Variants in TUSC3 observed in about 807,000 individuals in gnomAD.
TUSC3 encodes dolichyl-diphosphooligosaccharide--protein glycosyltransferase subunit TUSC3.
Under a neutral mutation model 44.8 loss-of-function variants are expected in TUSC3, and 45 were observed. The ratio of observed to expected loss-of-function variants is 1.00; its 90% CI spans 0.79 to 1.29. The LOEUF (loss-of-function observed/expected upper bound fraction) is 1.29, where lower values mean the gene tolerates loss of function less well. TUSC3 is among the 50% of genes most tolerant of loss of function. The pLI is 0.00. For synonymous variants in TUSC3, 212 were observed against 152.9 expected (o/e 1.39, Z -2.85); for missense variants, 519 against 437.9 (o/e 1.19, Z -1.65).
intron 1 of TUSC3, among the ~76,000 whole-genome samples, chr8:15,611,825 C>G (rs906923192): frequency 4.6e-5 from 7 of 152,044 alleles, no homozygotes; most frequent in African/African-American, 1.7e-4. Flanking sequence ...ATTTTTAAAT[C>G]TGTTAAGTAT....
intron 2 of TUSC3, among the ~76,000 whole-genome samples, chr8:15,627,856 G>A (rs1279972229): frequency 1.3e-5 from 2 of 152,222 alleles, no homozygotes; most frequent in East Asian, 3.9e-4. Flanking sequence ...CCGTTGGCAG[G>A]CATGGGATCC....
intron 1 of TUSC3, among the ~76,000 whole-genome samples, chr8:15,445,023 C>A (rs1257185764): frequency 1.3e-5 from 2 of 151,998 alleles, no homozygotes; most frequent in African/African-American, 4.8e-5. Context: ...TACCAGAGAA[C>A]TAGGCAATGG....
the TUSC3 span, among the ~76,000 whole-genome samples, chr8:15,789,615 A>G: frequency 2.0e-5 from 3 of 151,970 alleles, no homozygotes; most frequent in Non-Finnish European, 2.9e-5. Flanking sequence ...GACTGTGTCA[A>G]TTATATATTT....
chr8:15,499,022 T>C (rs1279711098), intron 2 of TUSC3, among the ~76,000 whole-genome samples: 40 of 152,058 alleles, frequency 2.6e-4, no homozygotes, highest in Admixed American at 2.6e-3. Context: ...TCTTTTTTTT[T>C]CTCCTGTGGG....
intron 1 of TUSC3, among the ~76,000 whole-genome samples, chr8:15,429,496 A>G (rs1799845870): frequency 6.6e-6 from 1 of 151,260 alleles, no homozygotes; most frequent in Admixed American, 6.6e-5. Flanking sequence ...GTTTTTTCCA[A>G]TTCTGTGAAG....
intron 10 of TUSC3, among the ~76,000 whole-genome samples, chr8:15,763,297 G>A (rs1051447171): frequency 6.6e-6 from 1 of 151,634 alleles, no homozygotes; most frequent in Admixed American, 6.6e-5. Context: ...GGTTCAGAAA[G>A]ACGAAACAAT....
Position 15,766,404 on chromosome 8 carries a change from G to A in TUSC3, c.*2248G>A, listed in dbSNP as rs537661014. ...ACAATGAGAATTGAATAATTGATTTGTACCTGGTATGTTATATCCTCCAGT... is the reference window on the plus strand; with the variant it reads ...ACAATGAGAATTGAATAATTGATTTATACCTGGTATGTTATATCCTCCAGT... On this transcript the variant is annotated 3_prime_UTR_variant, in exon 11 of 11. Transcript: ENST00000503731. The A allele has an allele frequency of 1.3e-5, 2 of 152,178 alleles. No individual in the cohort carries two copies. Among genetic ancestry groups the A allele is most frequent in the African/African-American group, 2.4e-5 (1 of 41,536 alleles). The allele number at this position is 152,178 out of a possible 1,614,324, so 9.4% of individuals were successfully genotyped here. A position where few individuals can be genotyped will look rare whatever the true frequency, so the allele number is the denominator to read the frequency against.
At position 15,616,349 on chromosome 8, in the gene TUSC3, G is replaced by A. The variant is rs1269495938; in HGVS notation, c.139-6731G>A. On this transcript the variant is annotated intron_variant, in intron 1 of 10. Transcript: ENST00000503731. ...TCCCAGCACTTTGGGAGGCCATGGC[G>A]GGTGGATCACCTGAGGTCAGGAGTT... 2.6e-5 allele frequency among the ~76,000 whole-genome samples: 4 copies of A among 152,148 alleles called. No homozygotes were observed. In the East Asian group the frequency reaches 7.7e-4, roughly 29 times the overall value.
At chr8:15,743,710 C>G in intron 8 of TUSC3, 98 bp downstream of exon 8, 4 of 1,291,260 alleles carry the variant, frequency 3.1e-6, no homozygotes, top group Non-Finnish European at 4.5e-6. Flanking sequence ...AAACAAACTT[C>G]TAAAGAAATG....
At chr8:15,738,939 T>C (rs1193521682) in intron 7 of TUSC3, among the ~76,000 whole-genome samples, 2 of 144,786 alleles carry the variant, frequency 1.4e-5, no homozygotes, top group East Asian at 4.5e-4. Context: ...TTCAAGCAAC[T>C]CCTCTGCCTC....
At chr8:15,724,658 AT>A (rs1041477425) in intron 6 of TUSC3, among the ~76,000 whole-genome samples, 5 of 152,100 alleles carry the variant, frequency 3.3e-5, no homozygotes, top group Admixed American at 1.3e-4. Context: ...CACTTAAAAG[AT>A]TTTCTTAGAT....
chr8:15,775,774 ATATC>A, the TUSC3 span, among the ~76,000 whole-genome samples: 1 of 120,218 alleles, frequency 8.3e-6, no homozygotes, highest in African/African-American at 3.0e-5. Flanking sequence ...ATATATATAT[ATATC>A]TTCCGTAATA....
At chr8:15,594,162 T>A (rs1803972450) in intron 1 of TUSC3, among the ~76,000 whole-genome samples, 1 of 152,244 alleles carries the variant, frequency 6.6e-6, no homozygotes, top group Non-Finnish European at 1.5e-5. Context: ...TTGTCTTTTT[T>A]ATTTTAGATT....
chr8:15,474,725 C>T (rs1563260719), intron 1 of TUSC3, among the ~76,000 whole-genome samples: 1 of 151,962 alleles, frequency 6.6e-6, no homozygotes, highest in Non-Finnish European at 1.5e-5. Context: ...TTTGAATGTC[C>T]AAAGAAATAA....
intron 8 of TUSC3, among the ~76,000 whole-genome samples, chr8:15,745,225 T>A (rs1811360891): frequency 6.6e-6 from 1 of 152,004 alleles, no homozygotes; most frequent in African/African-American, 2.4e-5. Flanking sequence ...TCAACCTGGG[T>A]TGATTTCATT....
chr8:15,826,779 C>T, the TUSC3 span, among the ~76,000 whole-genome samples: 1 of 152,128 alleles, frequency 6.6e-6, no homozygotes, highest in African/African-American at 2.4e-5. Context: ...GAGAACTCTT[C>T]AGATATCCTC....
intron 1 of TUSC3, among the ~76,000 whole-genome samples, chr8:15,553,146 G>T (rs1006059458): frequency 6.6e-6 from 1 of 151,872 alleles, no homozygotes; most frequent in East Asian, 2.0e-4. Context: ...TGAGATGCCT[G>T]TGTGATATCT....
At chr8:15,799,217 G>C in the TUSC3 span, among the ~76,000 whole-genome samples, 2 of 152,166 alleles carry the variant, frequency 1.3e-5, no homozygotes, top group Non-Finnish European at 2.9e-5. Context: ...TGAGCTGTAA[G>C]ATGGCCCAGC....
the TUSC3 span, among the ~76,000 whole-genome samples, chr8:15,833,129 T>C: frequency 0.092 from 13,973 of 152,168 alleles, 754 homozygotes; most frequent in Middle Eastern, 0.18. Flanking sequence ...CACTGATCAT[T>C]AGAAAAATGC....
Sources: allele counts gnomAD v4.1 joint callset (sites outside exome capture counted in the v4.1 genomes callset), GRCh38; gene constraint gnomAD v4.1.1; transcripts MANE v1.5; gene names NCBI Gene and HGNC (gene_info 2026-07-23, HGNC 2026-07-21).